The following QPCT variants were observed in gnomAD, a reference collection of about 807,000 sequenced individuals.
QPCT encodes the protein glutaminyl-peptide cyclotransferase.
A neutral mutation model predicts 43.4 loss-of-function variants in QPCT; 44 were observed. The ratio of observed to expected loss-of-function variants is 1.01; its 90% CI spans 0.80 to 1.30. QPCT has a LOEUF of 1.30. Ranked by LOEUF, QPCT falls within the 50% of genes most tolerant of loss-of-function variation. The pLI is 0.00. For missense variants in QPCT, 526 were observed against 436.5 expected (o/e 1.21, Z -1.83); for synonymous variants, 168 against 168.4 (o/e 1.00, Z 0.02).
At chr2:37,368,618 C>G (rs116728947) in intron 4 of QPCT, 10 of 471,068 alleles carry the variant, frequency 2.1e-5, no homozygotes, top group Non-Finnish European at 4.0e-5. Context: ...TGCTCTCCCT[C>G]CTGTTATCCA....
chr2:37,370,030 CA>C (rs1262742142), intron 5 of QPCT, among the ~76,000 whole-genome samples: 2 of 151,794 alleles, frequency 1.3e-5, no homozygotes, highest in Non-Finnish European at 2.9e-5. Flanking sequence ...AAAATAAATA[CA>C]AAAATTAGCT....
intron 5 of QPCT, among the ~76,000 whole-genome samples, 192 bp from the exon 6 acceptor site, chr2:37,372,164 G>C (rs573891907): frequency 4.7e-4 from 72 of 152,028 alleles, no homozygotes; most frequent in Non-Finnish European, 9.6e-4. Context: ...CTCTCTTCCT[G>C]CTCCAAAGTG....
intron 1 of QPCT, among the ~76,000 whole-genome samples, chr2:37,352,577 T>G (rs111462580): frequency 6.6e-6 from 1 of 152,154 alleles, no homozygotes. Flanking sequence ...AGCAGTCCTC[T>G]TGCCTCAGCC....
In QPCT at chr2:37,367,392, G is replaced by C; in HGVS notation, c.707G>C (p.Ser236Thr). The C allele has an allele frequency of 6.2e-7, 1 of 1,613,622 alleles. No homozygotes were observed. The highest frequency in any genetic ancestry group is 8.5e-7 in the Non-Finnish European group (1 of 1,179,788). The part of the protein sequence containing the change: ...TPHPPGARGT[S>T]QLHGMDLLVL... ...CACCCACCTGGAGCGAGAGGCACCA[G>C]CCAACTGCATGGCATGGTTAGTCTG... Residue 236 changes from serine (S) to threonine (T), a missense_variant, in exon 4 of 7, where the codon AGC becomes ACC. By Grantham distance (58) the Ser-to-Thr change is moderately conservative. Coordinates refer to ENST00000338415, the MANE Select transcript of QPCT (RefSeq NM_012413.4).
At chr2:37,367,101 A>G (rs1021748659) in intron 3 of QPCT, 131 bp from the exon 4 acceptor site, 1 of 1,043,432 alleles carries the variant, frequency 9.6e-7, no homozygotes, top group Non-Finnish European at 1.4e-6. Context: ...AAATTTTGCC[A>G]TAGTTTCACT....
chr2:37,345,131 G>A (rs1672455279), intron 1 of QPCT, among the ~76,000 whole-genome samples: 1 of 152,204 alleles, frequency 6.6e-6, no homozygotes, highest in Non-Finnish European at 1.5e-5. Flanking sequence ...GATAGGCACA[G>A]GAAATGTGTC....
At chr2:37,366,977 G>C in intron 3 of QPCT, 1 of 397,550 alleles carries the variant, frequency 2.5e-6, no homozygotes, top group Non-Finnish European at 4.6e-6. Context: ...ATTCTGTGAG[G>C]AGTAAGAAAA....
At chr2:37,347,231 C>CATATATATAACATAT (rs1553384286) in intron 1 of QPCT, among the ~76,000 whole-genome samples, 3 of 55,628 alleles carry the variant, frequency 5.4e-5, no homozygotes, top group South Asian at 5.8e-4. Flanking sequence ...ATATATATAA[C>CATATATATAACATAT]ATATATATAT....
In QPCT at chr2:37,359,739, T is replaced by C. The variant is rs1030639916; in HGVS notation, c.427T>C (p.Ser143Pro). 2.5e-6 allele frequency: 4 copies of C among 1,614,106 alleles called. No individual in the cohort carries two copies. Among genetic ancestry groups the C allele is most frequent in the Non-Finnish European group, 3.4e-6 (4 of 1,179,992 alleles). Residue 143 changes from serine to proline, a missense_variant, in exon 3 of 7, where the codon TCC becomes CCC. Physicochemically the swap from Ser to Pro is moderately conservative, Grantham distance 74. Coordinates refer to ENST00000338415, the MANE Select transcript of QPCT (RefSeq NM_012413.4). ...TTTGGTCCTCGCCTGCCACTATGAC[T>C]CCAAGTATTTTTCCCACTGGAACAA... Reference protein sequence around the residue: ...RHLVLACHYDSKYFSHWNNRV... With the variant: ...RHLVLACHYDPKYFSHWNNRV...
chr2:37,357,005 CAAA>C (rs1290865213), intron 2 of QPCT, among the ~76,000 whole-genome samples: 8 of 90,684 alleles, frequency 8.8e-5, no homozygotes, highest in Non-Finnish European at 1.3e-4. Context: ...GACTCCGTCT[CAAA>C]AAAAAAAAAA....
intron 2 of QPCT, among the ~76,000 whole-genome samples, chr2:37,356,555 C>T (rs1572731683): frequency 1.3e-5 from 2 of 152,254 alleles, no homozygotes; most frequent in South Asian, 2.1e-4. Flanking sequence ...TGGGGAGTTC[C>T]CCTAGAGACT....
At chr2:37,361,307 A>G (rs930819396) in intron 3 of QPCT, among the ~76,000 whole-genome samples, 1 of 152,192 alleles carries the variant, frequency 6.6e-6, no homozygotes, top group Non-Finnish European at 1.5e-5. Context: ...AGAGTGCTTG[A>G]TAAGTAGACT....
At chr2:37,372,496 TTG>T (rs763247640) in intron 6 of QPCT, 24 bp downstream of exon 6, 49 of 1,459,830 alleles carry the variant, frequency 3.4e-5, no homozygotes, top group East Asian at 6.8e-5. Context: ...GTGTGTGTGT[TTG>T]TGTGTGTGTG....
intron 1 of QPCT, among the ~76,000 whole-genome samples, chr2:37,350,982 G>A (rs1672607879): frequency 6.6e-6 from 1 of 152,212 alleles, no homozygotes; most frequent in Non-Finnish European, 1.5e-5. Context: ...GTGCTGAGTT[G>A]AGAGGCTGAG....
intron 1 of QPCT, among the ~76,000 whole-genome samples, 153 bp downstream of exon 1, chr2:37,345,004 G>A (rs1672451869): frequency 6.6e-6 from 1 of 152,234 alleles, no homozygotes; most frequent in African/African-American, 2.4e-5. Context: ...GCCCGGAGGA[G>A]TCGGGGCTCT....
chr2:37,345,716 A>G (rs1016626555), intron 1 of QPCT, among the ~76,000 whole-genome samples: 3 of 152,020 alleles, frequency 2.0e-5, no homozygotes, highest in Non-Finnish European at 4.4e-5. Flanking sequence ...CGCACCTGTA[A>G]TCCCAGCTAC....
chr2:37,364,347 G>A (rs1672913485), intron 3 of QPCT, among the ~76,000 whole-genome samples: 4 of 152,140 alleles, frequency 2.6e-5, no homozygotes, highest in Admixed American at 2.6e-4. Context: ...GGTGAGGGGA[G>A]CCCCAAGATA....
rs182990754 is a variant in QPCT, at chr2:37,366,303, C to A, written c.547-929C>A. ...CTTTTTAGTTCCATTCAAATACTGT[C>A]TTTTTCATAAAGCCCTCCTTGACAC... On this transcript the variant is annotated intron_variant, in intron 3 of 6. Transcript: ENST00000338415. 2.3e-3 allele frequency among the ~76,000 whole-genome samples: 351 copies of A among 152,248 alleles called. 5 individuals are homozygous for A. Among genetic ancestry groups the A allele is most frequent in the Non-Finnish European group, 9.4e-4 (64 of 67,996 alleles).
At chr2:37,348,025 T>A (rs1488094356) in intron 1 of QPCT, among the ~76,000 whole-genome samples, 1 of 104,400 alleles carries the variant, frequency 9.6e-6, no homozygotes, top group African/African-American at 4.1e-5. Context: ...ACCATTTTGG[T>A]GTTTTTATTT....
Sources: gnomAD v4.1 joint callset for allele counts (sites outside exome capture counted in the v4.1 genomes callset) on GRCh38, gnomAD v4.1.1 for gene constraint, MANE v1.5 for transcripts, NCBI Gene and HGNC (gene_info 2026-07-23, HGNC 2026-07-21) for gene names.